KIF11: variants seen among roughly 807,000 people sequenced by gnomAD.
KIF11 encodes the protein kinesin family member 11.
Under a neutral mutation model 121.0 loss-of-function variants are expected in KIF11, and 9 were observed. The observed-to-expected ratio is 0.07, with a 90% CI of 0.04 to 0.13. The LOEUF (loss-of-function observed/expected upper bound fraction) is 0.13. KIF11 is among the 10% of genes least tolerant of loss of function. The probability of loss-of-function intolerance (pLI) is 1.00; values close to 1 mark genes in which losing one functional copy is unlikely to be tolerated. For missense variants in KIF11, 846 were observed against 1,217.5 expected, an observed-to-expected ratio of 0.69 and a Z score of 4.54; for synonymous variants, 408 against 421.0, an observed-to-expected ratio of 0.97 and a Z score of 0.38.
At chr10:92,647,141 A>C (rs774974943) in intron 18 of KIF11, among the ~76,000 whole-genome samples, 1 of 152,218 alleles carries the variant, frequency 6.6e-6, no homozygotes, top group Non-Finnish European at 1.5e-5. Context: ...ATTAAACCTG[A>C]ATTAAATCAA....
chr10:92,621,280 TAA>T (rs1351327687), intron 9 of KIF11, 103 bp from the exon 10 acceptor site: 1 of 571,734 alleles, frequency 1.7e-6, no homozygotes, highest in East Asian at 3.0e-5. Flanking sequence ...CTTTAAGTTT[TAA>T]AAGACATAAA....
intron 8 of KIF11, among the ~76,000 whole-genome samples, chr10:92,614,546 GT>G (rs1339092006): frequency 1.3e-5 from 2 of 152,046 alleles, no homozygotes; most frequent in Non-Finnish European, 2.9e-5. Flanking sequence ...TTTCCACACA[GT>G]CTTCAAAGAA....
At chr10:92,621,310 T>G (rs1195161938) in intron 9 of KIF11, 75 bp from the exon 10 acceptor site, 3 of 790,838 alleles carry the variant, frequency 3.8e-6, no homozygotes, top group Non-Finnish European at 4.2e-6. Context: ...ACTTTACATT[T>G]TATTTGTTGC....
chr10:92,594,991 C>T (rs1004026316), intron 1 of KIF11, among the ~76,000 whole-genome samples: 1 of 151,996 alleles, frequency 6.6e-6, no homozygotes, highest in Non-Finnish European at 1.5e-5. Context: ...GGTTGGTAAG[C>T]CTTTTCTGTA....
chr10:92,646,972 G>C, intron 18 of KIF11, among the ~76,000 whole-genome samples: 1 of 152,214 alleles, frequency 6.6e-6, no homozygotes, highest in East Asian at 1.9e-4. Context: ...AACCCCTGTG[G>C]ATGTTAATGA....
chr10:92,603,601 C>T (rs532886107), intron 1 of KIF11, among the ~76,000 whole-genome samples: 1 of 152,268 alleles, frequency 6.6e-6, no homozygotes, highest in East Asian at 1.9e-4. Flanking sequence ...ATCTGCCCAC[C>T]TTGGCCTCCC....
chr10:92,606,938 C>T (rs1159072227), intron 3 of KIF11, among the ~76,000 whole-genome samples: 3 of 151,920 alleles, frequency 2.0e-5, no homozygotes, highest in Admixed American at 6.6e-5. Context: ...CCACCATGCC[C>T]GCTAATTTTT....
At chr10:92,604,804 A>G (rs190557573) in intron 1 of KIF11, among the ~76,000 whole-genome samples, 1 of 152,308 alleles carries the variant, frequency 6.6e-6, no homozygotes, top group Admixed American at 6.5e-5. Flanking sequence ...CCAGACATGT[A>G]TTGAGTATAT....
intron 6 of KIF11, among the ~76,000 whole-genome samples, chr10:92,609,827 A>G (rs1181407107): frequency 1.3e-5 from 2 of 152,010 alleles, no homozygotes; most frequent in Non-Finnish European, 2.9e-5. Context: ...ACCTCTGCCC[A>G]CCGGGTTGAA....
intron 5 of KIF11, 42 bp from the exon 6 acceptor site, chr10:92,609,343 T>C: frequency 1.3e-6 from 2 of 1,527,862 alleles, no homozygotes; most frequent in Non-Finnish European, 1.8e-6. Flanking sequence ...TGTGTGTGTG[T>C]TTTAACCAAT....
intron 3 of KIF11, 34 bp downstream of exon 3, chr10:92,606,750 A>G (rs778953936): frequency 9.7e-7 from 1 of 1,028,624 alleles, no homozygotes; most frequent in Non-Finnish European, 1.5e-6. Context: ...GATTTATGAA[A>G]AAGCTTAAAT....
rs775858823 is a variant in KIF11 at position 92,649,990 on chromosome 10, A to T, written c.2922+4A>T. ...CAACAAAGAAGAGACAATTCCGGTA[A>T]ATTTAAAGGATCATATTTTATAATA... On this transcript the variant is annotated splice_donor_region_variant and intron_variant, in intron 20 of 21. Coordinates refer to ENST00000260731, the MANE Select transcript of KIF11 (RefSeq NM_004523.4). The T allele has an allele frequency of 5.6e-6, 9 of 1,600,066 alleles. No homozygotes were observed. Among genetic ancestry groups the T allele is most frequent in the Non-Finnish European group, 7.7e-6 (9 of 1,168,952 alleles).
chr10:92,643,233 G>A (rs1844883864), intron 17 of KIF11, among the ~76,000 whole-genome samples: 2 of 152,010 alleles, frequency 1.3e-5, no homozygotes, highest in Non-Finnish European at 2.9e-5. Context: ...TTTAAATTGA[G>A]CACTTTTTAT....
At chr10:92,609,583 T>C in intron 6 of KIF11, 74 bp downstream of exon 6, 2 of 1,479,394 alleles carry the variant, frequency 1.4e-6, no homozygotes, top group South Asian at 1.3e-5. Flanking sequence ...AAAGTCAAAT[T>C]GGGGTGGGTC....
chr10:92,603,005 C>T (rs1844390999), intron 1 of KIF11, among the ~76,000 whole-genome samples: 1 of 151,776 alleles, frequency 6.6e-6, no homozygotes, highest in Non-Finnish European at 1.5e-5. Flanking sequence ...CAGGCGCCTG[C>T]CACCACGCCT....
At chr10:92,596,026 G>A (rs1426372297) in intron 1 of KIF11, among the ~76,000 whole-genome samples, 4 of 152,026 alleles carry the variant, frequency 2.6e-5, no homozygotes, top group African/African-American at 7.2e-5. Flanking sequence ...TTTTGAGACC[G>A]AGTCTCGCTC....
At chr10:92,623,011 C>G (rs1844635129) in intron 10 of KIF11, among the ~76,000 whole-genome samples, 2 of 152,122 alleles carry the variant, frequency 1.3e-5, no homozygotes, top group African/African-American at 4.8e-5. Flanking sequence ...CGGTTATCTC[C>G]CATCAGGTCC....
In KIF11 at chr10:92,653,905, C is replaced by G. The variant is rs1029743300; in HGVS notation, c.*109C>G. On this transcript the variant is annotated 3_prime_UTR_variant, in exon 22 of 22. Coordinates refer to ENST00000260731, the MANE Select transcript of KIF11 (RefSeq NM_004523.4). ...ATTTTAAAAGAATATATATATCAGC[C>G]GGGCGCGGTGGCTCATGCCTGTAAT... 1.0e-6 allele frequency: 1 copy of G among 965,668 alleles called. No individual in the cohort carries two copies. The highest frequency in any genetic ancestry group is 2.8e-5 in the East Asian group (1 of 35,920). The allele number at this position is 965,668 out of a possible 1,614,324, so 59.8% of individuals were successfully genotyped here. A position where few individuals can be genotyped will look rare whatever the true frequency, so the allele number is the denominator to read the frequency against.
At chr10:92,600,238 C>T (rs895729437) in intron 1 of KIF11, among the ~76,000 whole-genome samples, 6 of 151,886 alleles carry the variant, frequency 4.0e-5, no homozygotes, top group Admixed American at 2.0e-4. Flanking sequence ...CTCCTGACCT[C>T]GTGATCCGCC....
Sources: gnomAD v4.1 joint callset for allele counts (sites outside exome capture counted in the v4.1 genomes callset) on GRCh38, gnomAD v4.1.1 for gene constraint, MANE v1.5 for transcripts, NCBI Gene and HGNC (gene_info 2026-07-23, HGNC 2026-07-21) for gene names.